Variants in ASAP2 observed in about 807,000 individuals in gnomAD.
ASAP2 encodes ArfGAP with SH3 domain, ankyrin repeat and PH domain 2.
In ASAP2, 45 loss-of-function variants were observed where a neutral mutation model predicts 131.4. The ratio of observed to expected loss-of-function variants is 0.34; its 90% CI spans 0.27 to 0.44. ASAP2 has a LOEUF of 0.44. Ranked by LOEUF, ASAP2 falls within the 20% of genes least tolerant of loss-of-function variation. The pLI is 1.00. For synonymous variants in ASAP2, 510 were observed against 503.0 expected (o/e 1.01, Z -0.19); for missense variants, 1,011 against 1,297.0 (o/e 0.78, Z 3.39).
intron 12 of ASAP2, among the ~76,000 whole-genome samples, chr2:9,352,030 C>T (rs929572241): frequency 2.0e-5 from 3 of 152,162 alleles, no homozygotes; most frequent in African/African-American, 7.2e-5. Context: ...TTCATTCATA[C>T]AAGATGTTAT....
At chr2:9,284,719 G>A (rs1231211846) in intron 2 of ASAP2, among the ~76,000 whole-genome samples, 4 of 152,146 alleles carry the variant, frequency 2.6e-5, no homozygotes, top group Admixed American at 6.6e-5. Flanking sequence ...GGGTGTGGGC[G>A]GGTAATAGGT....
At chr2:9,328,464 G>A (rs997388365) in intron 7 of ASAP2, among the ~76,000 whole-genome samples, 7 of 152,044 alleles carry the variant, frequency 4.6e-5, no homozygotes, top group Non-Finnish European at 1.0e-4. Context: ...GACCTATTCC[G>A]CAACTCTCAG....
chr2:9,315,118 G>T (rs1669564227), intron 3 of ASAP2, among the ~76,000 whole-genome samples: 1 of 152,156 alleles, frequency 6.6e-6, no homozygotes, highest in Admixed American at 6.5e-5. Flanking sequence ...GTAGAATCAG[G>T]GAAGGAGAGA....
chr2:9,215,375 A>C (rs1442172094), intron 1 of ASAP2, among the ~76,000 whole-genome samples: 2 of 152,174 alleles, frequency 1.3e-5, no homozygotes, highest in African/African-American at 4.8e-5. Context: ...TTACTAAAGC[A>C]TTTAATAACA....
At chr2:9,367,144 T>G (rs1673542739) in intron 15 of ASAP2, among the ~76,000 whole-genome samples, 2 of 151,518 alleles carry the variant, frequency 1.3e-5, no homozygotes, top group Admixed American at 1.3e-4. Flanking sequence ...AATTCTCCTG[T>G]CTCAGCCTCC....
At chr2:9,324,498 C>T (rs1558332171) in intron 6 of ASAP2, among the ~76,000 whole-genome samples, 1 of 152,202 alleles carries the variant, frequency 6.6e-6, no homozygotes, top group African/African-American at 2.4e-5. Flanking sequence ...CTGGTGAGGA[C>T]CTTCTTGCTG....
At chr2:9,219,858 T>C (rs529071096) in intron 1 of ASAP2, among the ~76,000 whole-genome samples, 1 of 152,278 alleles carries the variant, frequency 6.6e-6, no homozygotes, top group African/African-American at 2.4e-5. Context: ...TTAGGAGTCA[T>C]TCCCTAGTCA....
chr2:9,371,465 T>C (rs996460501), intron 16 of ASAP2, among the ~76,000 whole-genome samples: 1 of 152,248 alleles, frequency 6.6e-6, no homozygotes, highest in Non-Finnish European at 1.5e-5. Flanking sequence ...CTCCCAGCTC[T>C]GTGCCTGCTT....
chr2:9,270,784 C>CTTTTTTT (rs1666294703), intron 1 of ASAP2, among the ~76,000 whole-genome samples: 1 of 69,752 alleles, frequency 1.4e-5, no homozygotes, highest in African/African-American at 5.1e-5. Context: ...CAATTGTTTT[C>CTTTTTTT]ATTTTTTTTT....
intron 1 of ASAP2, among the ~76,000 whole-genome samples, chr2:9,222,073 C>T (rs1162734759): frequency 6.6e-6 from 1 of 152,162 alleles, no homozygotes; most frequent in East Asian, 1.9e-4. Flanking sequence ...GAGGCGTGAG[C>T]CACCGCGCTG....
At chr2:9,358,656 T>C in intron 14 of ASAP2, 100 bp from the exon 15 acceptor site, 1 of 1,411,196 alleles carries the variant, frequency 7.1e-7, no homozygotes, top group South Asian at 1.5e-5. Flanking sequence ...AAAATGCTCA[T>C]GCTCAGAACT....
intron 1 of ASAP2, among the ~76,000 whole-genome samples, chr2:9,273,638 T>G (rs549388230): frequency 1.6e-4 from 24 of 152,136 alleles, no homozygotes; most frequent in Non-Finnish European, 3.2e-4. Context: ...GAGTTGGGAG[T>G]GCTGATTGGT....
chr2:9,278,553 C>T (rs1209598452), intron 1 of ASAP2, among the ~76,000 whole-genome samples: 1 of 151,692 alleles, frequency 6.6e-6, no homozygotes, highest in East Asian at 1.9e-4. Context: ...GACTTTTTAC[C>T]TTTGTATCTG....
chr2:9,282,899 A>T (rs1667221878), intron 2 of ASAP2, among the ~76,000 whole-genome samples: 1 of 152,052 alleles, frequency 6.6e-6, no homozygotes, highest in African/African-American at 2.4e-5. Context: ...CTGCTTCCTG[A>T]GTGTGTGCCA....
intron 22 of ASAP2, among the ~76,000 whole-genome samples, chr2:9,390,014 G>A (rs1477388132): frequency 6.6e-6 from 1 of 152,222 alleles, no homozygotes. Flanking sequence ...TGCTGACTGT[G>A]TGTGTCACGG....
intron 2 of ASAP2, among the ~76,000 whole-genome samples, chr2:9,290,485 C>A (rs1475378171): frequency 6.6e-6 from 1 of 152,212 alleles, no homozygotes; most frequent in Non-Finnish European, 1.5e-5. Flanking sequence ...GCTGGGATTA[C>A]AGGCGTGAGC....
At chr2:9,331,756 A>ATTT in intron 7 of ASAP2, among the ~76,000 whole-genome samples, 1 of 148,466 alleles carries the variant, frequency 6.7e-6, no homozygotes, top group African/African-American at 2.5e-5. Flanking sequence ...CGACAGAGCG[A>ATTT]TTTTTTTTTT....
At chr2:9,279,465 G>A (rs1666985553) in intron 2 of ASAP2, 76 bp downstream of exon 2, 1 of 1,389,054 alleles carries the variant, frequency 7.2e-7, no homozygotes, top group Non-Finnish European at 1.0e-6. Flanking sequence ...TAATATTGAT[G>A]ACCATTAACA....
chr2:9,351,183 C>G (rs915052186), intron 12 of ASAP2, among the ~76,000 whole-genome samples: 1 of 152,166 alleles, frequency 6.6e-6, no homozygotes, highest in African/African-American at 2.4e-5. Context: ...ATAGGGAGAT[C>G]CTACAAGAGA....
Sources: gnomAD v4.1 joint callset for allele counts (sites outside exome capture counted in the v4.1 genomes callset) on GRCh38, gnomAD v4.1.1 for gene constraint, MANE v1.5 for transcripts, NCBI Gene and HGNC (gene_info 2026-07-23, HGNC 2026-07-21) for gene names.